The following DCDC2 variants were observed in gnomAD, a reference collection of about 807,000 sequenced individuals.
DCDC2 encodes the protein doublecortin domain-containing protein 2.
In DCDC2, 40 loss-of-function variants were observed where a neutral mutation model predicts 50.2. The observed-to-expected ratio is 0.80, with a 90% CI of 0.62 to 1.04. DCDC2 has a LOEUF of 1.04. Among genes scored for constraint, DCDC2 ranks in the 50% least tolerant of loss-of-function variants. The pLI is 0.00. For synonymous variants in DCDC2, 234 were observed against 210.6 expected, an observed-to-expected ratio of 1.11 and a Z score of -0.96; for missense variants, 570 against 581.9, an observed-to-expected ratio of 0.98 and a Z score of 0.21.
chr6:24,302,091 G>C, intron 2 of DCDC2, 47 bp from the exon 3 acceptor site: 1 of 1,517,866 alleles, frequency 6.6e-7, no homozygotes, highest in Non-Finnish European at 9.0e-7. Flanking sequence ...GCTTATATTA[G>C]CTTTTTTTTT....
At chr6:24,301,468 T>C (rs1358039005) in intron 4 of DCDC2, among the ~76,000 whole-genome samples, 1 of 150,468 alleles carries the variant, frequency 6.6e-6, no homozygotes, top group African/African-American at 2.4e-5. Flanking sequence ...AATCAAAGAA[T>C]AAAAATCGTT....
chr6:24,306,543 T>TAGATAGATAGACAGACAGACAGAC (rs1209633765), intron 2 of DCDC2, among the ~76,000 whole-genome samples: 29 of 115,722 alleles, frequency 2.5e-4, no homozygotes, highest in Admixed American at 5.4e-4. Context: ...GATAGATAGA[T>TAGATAGATAGACAGACAGACAGAC]AGACAGACAG....
At chr6:24,259,833 C>T (rs1271238699) in intron 7 of DCDC2, among the ~76,000 whole-genome samples, 2 of 152,116 alleles carry the variant, frequency 1.3e-5, no homozygotes, top group Non-Finnish European at 2.9e-5. Context: ...TAATATCCTA[C>T]CTTGACTTAG....
upstream of DCDC2, among the ~76,000 whole-genome samples, chr6:24,362,554 G>A (rs9461000): frequency 2.6e-3 from 382 of 145,314 alleles, 2 homozygotes; most frequent in African/African-American, 8.8e-3. Context: ...TTATTTAATC[G>A]TATATTTATA....
At chr6:24,361,133 A>G (rs746356041), upstream of DCDC2, among the ~76,000 whole-genome samples, 5 of 152,174 alleles carry the variant, frequency 3.3e-5, no homozygotes, top group Non-Finnish European at 7.3e-5. Context: ...CATGTAATAC[A>G]TTAATGCTTT....
At chr6:24,255,482 CAA>C (rs1205444061) in intron 7 of DCDC2, among the ~76,000 whole-genome samples, 3 of 151,354 alleles carry the variant, frequency 2.0e-5, no homozygotes, top group Non-Finnish European at 2.9e-5. Flanking sequence ...CTGTCCTACA[CAA>C]AAAAGTCATT....
chr6:24,359,587 T>TA (rs1760625422), upstream of DCDC2, among the ~76,000 whole-genome samples: 1 of 123,314 alleles, frequency 8.1e-6, no homozygotes, highest in Non-Finnish European at 1.6e-5. Flanking sequence ...TTATATATAT[T>TA]ATATATATTC....
chr6:24,302,703 G>A (rs1033468714), intron 2 of DCDC2, among the ~76,000 whole-genome samples: 24 of 152,042 alleles, frequency 1.6e-4, no homozygotes, highest in South Asian at 1.5e-3. Flanking sequence ...GGGGCCCCAT[G>A]AGCAGCCCTC....
chr6:24,239,267 T>C (rs557023335), intron 7 of DCDC2, among the ~76,000 whole-genome samples: 154 of 152,220 alleles, frequency 1.0e-3, no homozygotes, highest in African/African-American at 3.4e-3. Context: ...TGGCATTCCC[T>C]TTGGACCAAA....
the DCDC2 span, among the ~76,000 whole-genome samples, chr6:24,372,603 C>T: frequency 6.6e-6 from 1 of 152,080 alleles, no homozygotes; most frequent in East Asian, 1.9e-4. Flanking sequence ...ATGATGAGTT[C>T]ATGTCCCTTG....
chr6:24,382,505 A>G, the DCDC2 span, among the ~76,000 whole-genome samples: 1 of 152,242 alleles, frequency 6.6e-6, no homozygotes, highest in Non-Finnish European at 1.5e-5. Context: ...CATACAAATT[A>G]TTATCAGATT....
At chr6:24,268,091 G>A (rs1763163871) in intron 7 of DCDC2, among the ~76,000 whole-genome samples, 1 of 152,192 alleles carries the variant, frequency 6.6e-6, no homozygotes, top group Non-Finnish European at 1.5e-5. Flanking sequence ...TAAAGGCTCT[G>A]AGAAATCCTG....
chr6:24,256,273 C>T (rs950229517), intron 7 of DCDC2, among the ~76,000 whole-genome samples: 7 of 87,686 alleles, frequency 8.0e-5, no homozygotes, highest in Non-Finnish European at 1.9e-4. Context: ...AGATGCTGGA[C>T]ATTTTTTTTT....
intron 8 of DCDC2, among the ~76,000 whole-genome samples, chr6:24,182,551 T>C (rs905527663): frequency 1.3e-5 from 2 of 148,186 alleles, no homozygotes; most frequent in Admixed American, 6.9e-5. Flanking sequence ...CATGAAAAGA[T>C]TGTCAACTTA....
At chr6:24,185,213 A>G (rs1761165001) in intron 8 of DCDC2, among the ~76,000 whole-genome samples, 1 of 152,182 alleles carries the variant, frequency 6.6e-6, no homozygotes, top group African/African-American at 2.4e-5. Flanking sequence ...CTAGGAAAGA[A>G]GACAACTGGC....
the DCDC2 span, chr6:24,365,749 A>T: frequency 6.6e-6 from 1 of 152,154 alleles, no homozygotes; most frequent in Non-Finnish European, 1.5e-5. Flanking sequence ...AGCATTCCAA[A>T]TTTTTTTCCA....
At chr6:24,232,517 G>A (rs928620819) in intron 7 of DCDC2, among the ~76,000 whole-genome samples, 3 of 152,224 alleles carry the variant, frequency 2.0e-5, no homozygotes, top group Non-Finnish European at 4.4e-5. Flanking sequence ...TAGAGCCTCA[G>A]AGGACTTGAG....
chr6:24,189,214 G>A (rs901700050), intron 8 of DCDC2, among the ~76,000 whole-genome samples: 1 of 152,110 alleles, frequency 6.6e-6, no homozygotes, highest in Non-Finnish European at 1.5e-5. Context: ...AAAAGGTCTG[G>A]TAGTTGTTTC....
At chr6:24,316,657 A>C (rs1759673738) in intron 2 of DCDC2, among the ~76,000 whole-genome samples, 1 of 152,184 alleles carries the variant, frequency 6.6e-6, no homozygotes, top group African/African-American at 2.4e-5. Context: ...AACTCTGTAG[A>C]ATTAGGTATT....
Sources: allele counts gnomAD v4.1 joint callset (sites outside exome capture counted in the v4.1 genomes callset), GRCh38; gene constraint gnomAD v4.1.1; transcripts MANE v1.5; gene names NCBI Gene and HGNC (gene_info 2026-07-23, HGNC 2026-07-21).